The following PRKAR1B variants were observed in gnomAD, a reference collection of about 807,000 sequenced individuals.
PRKAR1B encodes cAMP-dependent protein kinase type I-beta regulatory subunit.
In PRKAR1B, 22 loss-of-function variants were observed where a neutral mutation model predicts 46.5. That is an observed-to-expected ratio of 0.47 (90% confidence interval 0.34 to 0.68). The LOEUF is 0.68. Ranked by LOEUF, PRKAR1B falls within the 30% of genes least tolerant of loss-of-function variation. The probability of loss-of-function intolerance (pLI) is 0.01; values close to 1 mark genes in which losing one functional copy is unlikely to be tolerated. For missense variants in PRKAR1B, 445 were observed against 535.6 expected, an observed-to-expected ratio of 0.83 and a Z score of 1.67; for synonymous variants, 259 against 217.7, an observed-to-expected ratio of 1.19 and a Z score of -1.67.
intron 2 of PRKAR1B, among the ~76,000 whole-genome samples, chr7:697,329 G>C (rs1386186248): frequency 6.6e-6 from 1 of 152,168 alleles, no homozygotes; most frequent in Non-Finnish European, 1.5e-5. Context: ...TACACGCAGG[G>C]ATTACAGGCA....
intron 2 of PRKAR1B, among the ~76,000 whole-genome samples, chr7:699,874 T>G (rs1779969543): frequency 6.6e-6 from 1 of 152,076 alleles, no homozygotes; most frequent in African/African-American, 2.4e-5. Context: ...AATTTGTGTT[T>G]CTGGAAGATG....
chr7:561,752 C>T (rs906083458), intron 9 of PRKAR1B, among the ~76,000 whole-genome samples: 5 of 152,262 alleles, frequency 3.3e-5, no homozygotes, highest in East Asian at 3.8e-4. Context: ...AATGGATCAT[C>T]CATGAGGTCT....
chr7:635,619 C>T (rs1784004125), intron 4 of PRKAR1B, among the ~76,000 whole-genome samples: 1 of 152,144 alleles, frequency 6.6e-6, no homozygotes, highest in Non-Finnish European at 1.5e-5. Context: ...CGCTGCCTCC[C>T]AGGCCCTCCC....
chr7:671,876 T>C (rs1786274446), intron 4 of PRKAR1B, among the ~76,000 whole-genome samples: 1 of 152,214 alleles, frequency 6.6e-6, no homozygotes, highest in Admixed American at 6.5e-5. Context: ...AGCTGTGCCA[T>C]GCCTGGAACA....
rs189965511 is a variant in PRKAR1B, at chr7:639,227, C to T, written c.441-31775G>A. On this transcript the variant is annotated intron_variant, in intron 4 of 10. Transcript: ENST00000537384. ...TACTACAAAACCACTGTAATCAAGACGGTGGTGGTATTAGTAAAACGGATT... is the reference window on the plus strand; with the variant it reads ...TACTACAAAACCACTGTAATCAAGATGGTGGTGGTATTAGTAAAACGGATT... Among the ~76,000 whole-genome samples, 4 of 152,290 alleles carry T rather than the reference C, an allele frequency of 2.6e-5. No homozygotes were observed. The East Asian group carries it at 5.8e-4, about 22-fold the overall frequency.
intron 1 of PRKAR1B, 131 bp downstream of exon 1, chr7:727,079 C>G: frequency 9.6e-7 from 1 of 1,042,606 alleles, no homozygotes; most frequent in Non-Finnish European, 1.1e-6. Context: ...CTGCTGCCCG[C>G]GCTCGCCGCG....
chr7:551,044 G>A (rs1292922610), intron 10 of PRKAR1B, among the ~76,000 whole-genome samples: 1 of 150,970 alleles, frequency 6.6e-6, no homozygotes, highest in Non-Finnish European at 1.5e-5. Context: ...GGTAGGCCTG[G>A]GCCTCCCTCA....
intron 4 of PRKAR1B, among the ~76,000 whole-genome samples, chr7:618,300 C>T (rs569303863): frequency 6.6e-6 from 1 of 152,346 alleles, no homozygotes; most frequent in East Asian, 1.9e-4. Flanking sequence ...ATTCCAACAT[C>T]TTTTCTTTAA....
At position 593,078 on chromosome 7, in the gene PRKAR1B, C is replaced by T. The variant is rs9719461; in HGVS notation, c.708+3068G>A. Among the ~76,000 whole-genome samples, 109,306 of 152,098 alleles carry T rather than the reference C, an allele frequency of 0.72. 40,096 individuals are homozygous for T. Among genetic ancestry groups the T allele is most frequent in the South Asian group, 0.89 (4,287 of 4,812 alleles). ...AAAAGGTAAGAAAGAAAAAGCAAGT[C>T]TGGGGAGTGCTGGCCCCGGGCTGGG... On this transcript the variant is annotated intron_variant, in intron 7 of 10. Transcript: ENST00000537384. This position sits in a 1 kb window ranked among gnomAD's most constrained non-coding sequence, Gnocchi z 6.1.
At chr7:700,975 G>A (rs1780026046) in intron 2 of PRKAR1B, among the ~76,000 whole-genome samples, 2 of 152,050 alleles carry the variant, frequency 1.3e-5, no homozygotes, top group Non-Finnish European at 1.5e-5. Flanking sequence ...ATCACCTCAG[G>A]TCAGGAGTTC....
chr7:659,694 T>C lies in PRKAR1B; in HGVS notation c.440+17535A>G, dbSNP rs1353545597. Among the ~76,000 whole-genome samples the C allele has an allele frequency of 2.0e-5, 3 of 152,116 alleles. No individual in the cohort carries two copies. The East Asian group carries it at 5.8e-4, about 29-fold the overall frequency. On this transcript the variant is annotated intron_variant, in intron 4 of 10. Coordinates refer to ENST00000537384, the MANE Select transcript of PRKAR1B (RefSeq NM_001164760.2). Reference sequence around the variant, plus strand: ...CCACAGCTCTGCACGTCCAGACGCATGGGCCTTGTGAGGGCTTTTGTTTTT... The same window carrying C: ...CCACAGCTCTGCACGTCCAGACGCACGGGCCTTGTGAGGGCTTTTGTTTTT...
chr7:719,167 G>C (rs1780987969), intron 1 of PRKAR1B, among the ~76,000 whole-genome samples: 1 of 152,104 alleles, frequency 6.6e-6, no homozygotes, highest in Non-Finnish European at 1.5e-5. Context: ...AGCCTCCCGA[G>C]TAGGTGGGAT....
At chr7:674,568 T>C (rs1786474781) in intron 4 of PRKAR1B, among the ~76,000 whole-genome samples, 1 of 151,222 alleles carries the variant, frequency 6.6e-6, no homozygotes, top group Admixed American at 6.6e-5. Flanking sequence ...CCAGCTACTC[T>C]GGCCACATCT....
At chr7:677,866 C>A (rs1778424692) in intron 3 of PRKAR1B, among the ~76,000 whole-genome samples, 1 of 152,192 alleles carries the variant, frequency 6.6e-6, no homozygotes, top group African/African-American at 2.4e-5. Context: ...CCTAACTATG[C>A]ACTGAGGTTA....
At chr7:713,129 C>T (rs577293700) in intron 1 of PRKAR1B, 1 of 152,604 alleles carries the variant, frequency 6.6e-6, no homozygotes, top group South Asian at 2.1e-4. Context: ...CAAGCCCAGC[C>T]CTGCAGGAAA....
At chr7:675,669 C>T (rs1305204025) in intron 4 of PRKAR1B, among the ~76,000 whole-genome samples, 6 of 152,106 alleles carry the variant, frequency 3.9e-5, no homozygotes, top group Non-Finnish European at 8.8e-5. Flanking sequence ...AAATGCAGGC[C>T]GGGCGCAGTG....
chr7:667,029 GTGA>G lies in PRKAR1B; in HGVS notation c.440+10197_440+10199del, dbSNP rs1442251254. 4.0e-5 allele frequency among the ~76,000 whole-genome samples: 6 copies of G among 151,434 alleles called. No individual in the cohort carries two copies. Among genetic ancestry groups the G allele is most frequent in the East Asian group, 1.9e-4 (1 of 5,170 alleles). Reference sequence around the variant, plus strand: ...GGTGATGAGGATGGTGGTGGTGATGGTGATGATGATAATGATGGTGATGATGAC... The same window carrying G: ...GGTGATGAGGATGGTGGTGGTGATGGTGATGATAATGATGGTGATGATGAC... On this transcript the variant is annotated intron_variant, in intron 4 of 10. Transcript: ENST00000537384. This position sits in a 1 kb window ranked among gnomAD's most constrained non-coding sequence, Gnocchi z 4.3.
intron 4 of PRKAR1B, among the ~76,000 whole-genome samples, chr7:646,220 C>A (rs187410882): frequency 6.6e-6 from 1 of 152,126 alleles, no homozygotes; most frequent in Non-Finnish European, 1.5e-5. Flanking sequence ...ATTTTTGAAT[C>A]TACTGTAGAG....
intron 9 of PRKAR1B, among the ~76,000 whole-genome samples, chr7:563,302 A>C (rs946546965): frequency 1.3e-5 from 2 of 152,216 alleles, no homozygotes; most frequent in African/African-American, 4.8e-5. Flanking sequence ...GGGATACCCC[A>C]GTTTTCTTTT....
Sources: allele counts gnomAD v4.1 joint callset (sites outside exome capture counted in the v4.1 genomes callset), GRCh38; gene constraint gnomAD v4.1.1; non-coding constraint Gnocchi (gnomAD v3.1); transcripts MANE v1.5; gene names NCBI Gene and HGNC (gene_info 2026-07-23, HGNC 2026-07-21).